Variants in CALCR observed in about 807,000 individuals in gnomAD.
CALCR encodes the protein calcitonin receptor.
In CALCR, 47 loss-of-function variants were observed where a neutral mutation model predicts 59.5. That is an observed-to-expected ratio of 0.79 (90% CI 0.63 to 1.01). The LOEUF is 1.01. Ranked by LOEUF, CALCR falls within the 50% of genes least tolerant of loss-of-function variation. The pLI is 0.00. For missense variants in CALCR, 566 were observed against 597.1 expected (o/e 0.95, Z 0.54); for synonymous variants, 213 against 211.3 (o/e 1.01, Z -0.07).
At chr7:93,432,861 G>A (rs1348947888) in intron 13 of CALCR, among the ~76,000 whole-genome samples, 1 of 152,138 alleles carries the variant, frequency 6.6e-6, no homozygotes, top group Non-Finnish European at 1.5e-5. Flanking sequence ...TAAACACGGG[G>A]TGACTTACGC....
chr7:93,555,310 G>C (rs1207833044), intron 2 of CALCR, among the ~76,000 whole-genome samples: 1 of 152,224 alleles, frequency 6.6e-6, no homozygotes, highest in South Asian at 2.1e-4. Context: ...TTCTGTGCTT[G>C]AAAACAGTGT....
rs1372856697 is a variant in CALCR at position 93,468,769 on chromosome 7, T to C, written c.467A>G (p.His156Arg). ...YVLYYLAIVG[H>R]SLSIFTLVIS... ...CACTAGGGTGAAAATTGACAAAGAA[T>C]GACCCACAATAGCCAAATAGTACAG... Residue 156 changes from histidine (H) to arginine (R), a missense_variant, in exon 7 of 14, where the codon CAT becomes CGT. Coordinates refer to ENST00000426151, the MANE Select transcript of CALCR (RefSeq NM_001742.4). The C allele has an allele frequency of 1.9e-6, 3 of 1,610,834 alleles. No homozygotes were observed. The South Asian group carries it at 3.3e-5, about 18-fold the overall frequency.
chr7:93,539,776 C>T (rs1464179485), intron 2 of CALCR, among the ~76,000 whole-genome samples: 1 of 152,036 alleles, frequency 6.6e-6, no homozygotes, highest in African/African-American at 2.4e-5. Context: ...TGGTGTGCCC[C>T]AAGAAGTTAA....
chr7:93,526,843 T>G (rs1188136618), intron 2 of CALCR, among the ~76,000 whole-genome samples: 16 of 152,060 alleles, frequency 1.1e-4, no homozygotes, highest in Admixed American at 1.0e-3. Context: ...GGAGAGTCTA[T>G]GTTTGACAGC....
At chr7:93,566,660 A>C (rs2116281798) in intron 2 of CALCR, among the ~76,000 whole-genome samples, 1 of 152,202 alleles carries the variant, frequency 6.6e-6, no homozygotes, top group South Asian at 2.1e-4. Flanking sequence ...GGTCCCTGTA[A>C]GTTTTCTGCC....
At chr7:93,460,719 C>T (rs1191162806) in intron 8 of CALCR, 102 bp downstream of exon 8, 1 of 788,224 alleles carries the variant, frequency 1.3e-6, no homozygotes, top group African/African-American at 1.8e-5. Context: ...TATGATTACA[C>T]ATGTAAACAG....
At chr7:93,437,902 T>G (rs1799813849) in intron 11 of CALCR, among the ~76,000 whole-genome samples, 158 bp downstream of exon 11, 1 of 152,128 alleles carries the variant, frequency 6.6e-6, no homozygotes, top group Admixed American at 6.6e-5. Context: ...GGCGTTTTTT[T>G]GAAGAGTCTA....
intron 2 of CALCR, among the ~76,000 whole-genome samples, chr7:93,514,976 C>T (rs1423586253): frequency 6.6e-6 from 1 of 151,958 alleles, no homozygotes; most frequent in African/African-American, 2.4e-5. Context: ...TAATTATATT[C>T]CAAGGCCATG....
At chr7:93,531,381 T>A (rs1463019496) in intron 2 of CALCR, among the ~76,000 whole-genome samples, 1 of 152,046 alleles carries the variant, frequency 6.6e-6, no homozygotes, top group African/African-American at 2.4e-5. Context: ...AGATACTAAA[T>A]TACTACCTTT....
intron 9 of CALCR, among the ~76,000 whole-genome samples, chr7:93,438,883 C>T (rs1021333631): frequency 6.6e-6 from 1 of 151,250 alleles, no homozygotes; most frequent in African/African-American, 2.4e-5. Context: ...ACCTCCTTGA[C>T]TAAACTCAAA....
chr7:93,555,531 A>G (rs868130660), intron 2 of CALCR, among the ~76,000 whole-genome samples: 7 of 152,322 alleles, frequency 4.6e-5, no homozygotes, highest in Middle Eastern at 3.4e-3. Flanking sequence ...GGAAACAACA[A>G]CAACAACAAC....
At chr7:93,434,101 G>A (rs1025033450) in intron 13 of CALCR, 152 bp downstream of exon 13, 5 of 666,908 alleles carry the variant, frequency 7.5e-6, no homozygotes, top group Non-Finnish European at 8.1e-6. Flanking sequence ...GATTCAGCTT[G>A]GAGTAGTGGA....
At chr7:93,507,939 A>G (rs1341282776) in intron 2 of CALCR, among the ~76,000 whole-genome samples, 1 of 151,798 alleles carries the variant, frequency 6.6e-6, no homozygotes, top group African/African-American at 2.4e-5. Context: ...AAAGAAAAAA[A>G]AAAGAAAAAA....
intron 2 of CALCR, among the ~76,000 whole-genome samples, chr7:93,511,043 T>G (rs1372197003): frequency 6.6e-6 from 1 of 151,860 alleles, no homozygotes; most frequent in Non-Finnish European, 1.5e-5. Context: ...GAAAGAGAAG[T>G]GTAAAAACAT....
At chr7:93,573,541 A>G (rs1456572425) in intron 2 of CALCR, among the ~76,000 whole-genome samples, 1 of 152,200 alleles carries the variant, frequency 6.6e-6, no homozygotes, top group Non-Finnish European at 1.5e-5. Context: ...TTTCATATGA[A>G]ACTTTTCTTA....
At chr7:93,529,886 A>G (rs1788786504) in intron 2 of CALCR, among the ~76,000 whole-genome samples, 1 of 152,192 alleles carries the variant, frequency 6.6e-6, no homozygotes, top group African/African-American at 2.4e-5. Flanking sequence ...GTTTAGAGTA[A>G]CAATCTAATT....
At chr7:93,468,630 C>A in intron 7 of CALCR, 85 bp downstream of exon 7, 1 of 876,892 alleles carries the variant, frequency 1.1e-6, no homozygotes, top group Non-Finnish European at 1.8e-6. Context: ...GAAGACCCTT[C>A]CCCACCTCCA....
In CALCR at chr7:93,463,693, G is replaced by T. The variant is rs1470639211; in HGVS notation, c.522-2746C>A. ...ACTGTGATAATTGTTCTGAAGAAGA[G>T]GTGTGGGATGCTAGAGAGAATTAAT... On this transcript the variant is annotated intron_variant, in intron 7 of 13. Coordinates refer to ENST00000426151, the MANE Select transcript of CALCR (RefSeq NM_001742.4). Among the ~76,000 whole-genome samples the T allele has an allele frequency of 2.0e-5, 3 of 151,918 alleles. No individual in the cohort carries two copies. In the East Asian group the frequency reaches 5.8e-4, roughly 29 times the overall value.
chr7:93,537,931 AGTTT>A (rs1789035700), intron 2 of CALCR, among the ~76,000 whole-genome samples: 1 of 152,002 alleles, frequency 6.6e-6, no homozygotes, highest in African/African-American at 2.4e-5. Flanking sequence ...ATGCAAACTT[AGTTT>A]ATTTAAAATG....
Sources: gnomAD v4.1 joint callset for allele counts (sites outside exome capture counted in the v4.1 genomes callset) on GRCh38, gnomAD v4.1.1 for gene constraint, MANE v1.5 for transcripts, NCBI Gene and HGNC (gene_info 2026-07-23, HGNC 2026-07-21) for gene names.